Variants in TXNDC11 observed in about 807,000 individuals in gnomAD.
The protein encoded by TXNDC11 is thioredoxin domain-containing protein 11.
Under a neutral mutation model 78.0 loss-of-function variants are expected in TXNDC11, and 68 were observed. The observed-to-expected ratio is 0.87, with a 90% CI of 0.72 to 1.07. The LOEUF (loss-of-function observed/expected upper bound fraction) is 1.07. Among genes scored for constraint, TXNDC11 ranks in the 50% least tolerant of loss-of-function variants. The pLI is 0.00. For missense variants in TXNDC11, 1,389 were observed against 1,221.8 expected (o/e 1.14, Z -2.04); for synonymous variants, 571 against 495.2 (o/e 1.15, Z -2.03).
chr16:11,736,053 T>C lies in TXNDC11; in HGVS notation c.435A>G (p.Ala145=). The change falls in exon 2 of 12, where the codon GCA becomes GCG. Residue 145 remains alanine, a synonymous_variant. Coordinates refer to ENST00000283033, the MANE Select transcript of TXNDC11 (RefSeq NM_015914.7). ...PWCGQSIAAR[A]EIEQAASRLS... ...GCCGACTTGCTGCTTGCTCAATTTC[T>C]GCCCTGGCAGCGATGGACTGTCCAC... 1.2e-6 allele frequency: 2 copies of C among 1,614,198 alleles called. No individual in the cohort carries two copies. Among genetic ancestry groups the C allele is most frequent in the South Asian group, 1.1e-5 (1 of 91,086 alleles).
intron 5 of TXNDC11, among the ~76,000 whole-genome samples, chr16:11,717,434 G>GAAAAAAAAAAAAA: frequency 1.6e-5 from 1 of 62,308 alleles, no homozygotes; most frequent in Non-Finnish European, 2.8e-5. Context: ...GACTCCAAAT[G>GAAAAAAAAAAAAA]AAAAAAAAAA....
intron 1 of TXNDC11, among the ~76,000 whole-genome samples, chr16:11,737,948 A>C (rs2052275374): frequency 6.6e-6 from 1 of 152,072 alleles, no homozygotes; most frequent in African/African-American, 2.4e-5. Flanking sequence ...TATCTAAACG[A>C]GATATATCTT....
In TXNDC11 at chr16:11,679,887, G is replaced by T. The variant is rs7188511; in HGVS notation, c.2235-50C>A. 0.53 allele frequency: 810,137 copies of T among 1,523,936 alleles called. 218,537 individuals are homozygous for T. The highest frequency in any genetic ancestry group is 0.61 in the Middle Eastern group (2,765 of 4,512). 94.4% of individuals were successfully genotyped at this position (1,523,936 alleles called of 1,614,324 possible). On this transcript the variant is annotated intron_variant, in intron 11 of 11. Coordinates refer to ENST00000283033, the MANE Select transcript of TXNDC11 (RefSeq NM_015914.7). The surrounding 1 kb of genome is among the most constrained non-coding windows in gnomAD (Gnocchi z 4.6). ...AAGACAGGAGTCACACCAACACAAT[G>T]AGTCCAAAAGCAGGCTGTACCTGAG...
chr16:11,719,926 G>A (rs1199232933), intron 5 of TXNDC11, among the ~76,000 whole-genome samples: 1 of 152,210 alleles, frequency 6.6e-6, no homozygotes, highest in African/African-American at 2.4e-5. Context: ...AGCCCTAGGG[G>A]TGGAGGCACA....
intron 1 of TXNDC11, among the ~76,000 whole-genome samples, chr16:11,738,539 G>A (rs748679568): frequency 1.3e-5 from 2 of 152,130 alleles, no homozygotes; most frequent in African/African-American, 2.4e-5. Flanking sequence ...TTAACAAGGT[G>A]ATGTACAGAA....
chr16:11,714,038 T>A (rs911088903), intron 5 of TXNDC11, among the ~76,000 whole-genome samples: 2 of 129,134 alleles, frequency 1.5e-5, no homozygotes, highest in African/African-American at 2.9e-5. Flanking sequence ...GAAAACCCTA[T>A]CCTTCAGATT....
intron 5 of TXNDC11, among the ~76,000 whole-genome samples, chr16:11,718,956 A>AT (rs1351234320): frequency 6.6e-6 from 1 of 152,182 alleles, no homozygotes; most frequent in Non-Finnish European, 1.5e-5. Context: ...TTTTATATCT[A>AT]TTTTATTTAT....
chr16:11,722,848 T>C (rs2051751494), intron 4 of TXNDC11, among the ~76,000 whole-genome samples: 1 of 152,212 alleles, frequency 6.6e-6, no homozygotes, highest in South Asian at 2.1e-4. Flanking sequence ...CAATATGTTA[T>C]AAAAAAGAGG....
Position 11,742,671 on chromosome 16 carries a change from C to A in TXNDC11, c.60G>T (p.Glu20Asp). ...GSSSSEDAED[E>D]GGGGGGPAGS... ...CCGCGGGGCCGCCGCCGCCCCCTCC[C>A]TCGTCCTCGGCGTCCTCGCTGCTGC... The change falls in exon 1 of 12, where the codon GAG becomes GAT. Residue 20 changes from glutamate (E) to aspartate (D), a missense_variant. By Grantham distance (45) the Glu-to-Asp change is conservative. Coordinates refer to ENST00000283033, the MANE Select transcript of TXNDC11 (RefSeq NM_015914.7). The A allele has an allele frequency of 6.8e-7, 1 of 1,471,280 alleles. No homozygotes were observed. The highest frequency in any genetic ancestry group is 8.9e-7 in the Non-Finnish European group (1 of 1,118,350). The allele number at this position is 1,471,280 out of a possible 1,614,324, so 91.1% of individuals were successfully genotyped here. A position where few individuals can be genotyped will look rare whatever the true frequency, so the allele number is the denominator to read the frequency against.
At position 11,700,538 on chromosome 16, in the gene TXNDC11, C is replaced by A. The variant is rs1190824523; in HGVS notation, c.820G>T (p.Val274Phe). The change falls in exon 6 of 12, where the codon GTT becomes TTT. Residue 274 changes from valine (V) to phenylalanine (F), a missense_variant. Coordinates refer to ENST00000283033, the MANE Select transcript of TXNDC11 (RefSeq NM_015914.7). ...TTCGCAAGATGTTTATTTGTGATAA[C>A]CCCAAATCGTACTGTTCCTAGGTAA... ...KDYLGTVRFG[V>F]ITNKHLAKLV... The A allele has an allele frequency of 6.2e-7, 1 of 1,603,412 alleles. No homozygotes were observed. The highest frequency in any genetic ancestry group is 8.5e-7 in the Non-Finnish European group (1 of 1,170,564).
At chr16:11,714,230 G>A (rs1394148154) in intron 5 of TXNDC11, among the ~76,000 whole-genome samples, 3 of 152,060 alleles carry the variant, frequency 2.0e-5, no homozygotes, top group African/African-American at 4.8e-5. Flanking sequence ...GCCACATTGC[G>A]AAAGGTTGGT....
chr16:11,684,654 TA>T (rs1438167044), intron 10 of TXNDC11, among the ~76,000 whole-genome samples: 2 of 141,314 alleles, frequency 1.4e-5, no homozygotes, highest in Non-Finnish European at 3.3e-5. Flanking sequence ...CTTTATGTTG[TA>T]AATCTGGATA....
intron 5 of TXNDC11, among the ~76,000 whole-genome samples, chr16:11,701,523 T>C (rs2051026176): frequency 3.3e-5 from 5 of 152,124 alleles, no homozygotes; most frequent in Admixed American, 3.3e-4. Flanking sequence ...TGCCGGGGTG[T>C]ATAGTTAAGA....
intron 5 of TXNDC11, among the ~76,000 whole-genome samples, chr16:11,713,096 A>T (rs2051413898): frequency 7.2e-6 from 1 of 138,908 alleles, no homozygotes. Flanking sequence ...AACAAGAGTG[A>T]AACTCTGTCT....
At chr16:11,734,963 CG>C (rs1216655614) in intron 2 of TXNDC11, among the ~76,000 whole-genome samples, 1 of 152,140 alleles carries the variant, frequency 6.6e-6, no homozygotes, top group East Asian at 1.9e-4. Flanking sequence ...GCTTTGCACA[CG>C]GAAGAGTCGT....
At chr16:11,702,092 G>GTGTATATA (rs150869552) in intron 5 of TXNDC11, among the ~76,000 whole-genome samples, 3 of 144,366 alleles carry the variant, frequency 2.1e-5, no homozygotes, top group African/African-American at 7.6e-5. Flanking sequence ...GTATGTATGT[G>GTGTATATA]TATATATATA....
chr16:11,686,132 AT>A lies in TXNDC11; in HGVS notation c.2153+1724del, dbSNP rs112891113. Among the ~76,000 whole-genome samples the A allele has an allele frequency of 2.6e-3, 394 of 152,130 alleles. 3 individuals carry two copies. The highest frequency in any genetic ancestry group is 9.0e-3 in the African/African-American group (372 of 41,510). On this transcript the variant is annotated intron_variant, in intron 10 of 11. Coordinates refer to ENST00000283033, the MANE Select transcript of TXNDC11 (RefSeq NM_015914.7). ...TGCCGCCACACTTGGCTAATTTTTT[AT>A]TTTTAGTAGAGACAGGTTTTCACTA...
At chr16:11,721,506 A>G in intron 5 of TXNDC11, 71 bp downstream of exon 5, 1 of 796,792 alleles carries the variant, frequency 1.3e-6, no homozygotes, top group South Asian at 1.6e-5. Context: ...TATATTCATA[A>G]TAACACATGG....
In TXNDC11 at chr16:11,698,173, C is replaced by G. The variant is rs762183063; in HGVS notation, c.1059G>C (p.Leu353=). The G allele has an allele frequency of 1.9e-6, 3 of 1,614,110 alleles. No homozygotes were observed. The highest frequency in any genetic ancestry group is 3.3e-5 in the Admixed American group (2 of 59,998). Residue 353 remains leucine (L), a synonymous_variant, in exon 7 of 12, where the codon CTG becomes CTC. Transcript: ENST00000283033. ...NELKKGPALF[L]FIPFNPLAES... ...CGGCCAGGGGATTAAAAGGTATGAA[C>G]AGAAACAGCGCTGGTCCTTTCTTCA...
Sources: allele counts gnomAD v4.1 joint callset (sites outside exome capture counted in the v4.1 genomes callset), GRCh38; gene constraint gnomAD v4.1.1; non-coding constraint Gnocchi (gnomAD v3.1); transcripts MANE v1.5; gene names NCBI Gene and HGNC (gene_info 2026-07-23, HGNC 2026-07-21).